TYW1: variants seen among roughly 807,000 people sequenced by gnomAD.
The protein encoded by TYW1 is S-adenosyl-L-methionine-dependent tRNA 4-demethylwyosine synthase TYW1.
In TYW1, 46 loss-of-function variants were observed where a neutral mutation model predicts 96.2. The observed-to-expected ratio is 0.48, with a 90% CI of 0.38 to 0.61. TYW1 has a LOEUF of 0.61. TYW1 is among the 20% of genes least tolerant of loss of function. TYW1 has a pLI of 0.00. For missense variants in TYW1, 684 were observed against 909.6 expected (o/e 0.75, Z 3.19); for synonymous variants, 274 against 323.0 (o/e 0.85, Z 1.63).
chr7:67,204,908 G>A (rs1354693916), intron 15 of TYW1, among the ~76,000 whole-genome samples: 4 of 152,048 alleles, frequency 2.6e-5, no homozygotes, highest in Admixed American at 2.0e-4. Flanking sequence ...TATCATGTCC[G>A]TTTTTAATTG....
chr7:67,147,569 G>T (rs1133390), intron 13 of TYW1, among the ~76,000 whole-genome samples: 72,288 of 151,728 alleles, frequency 0.48, 17,648 homozygotes, highest in Middle Eastern at 0.59. Flanking sequence ...GATCCTCTCC[G>T]TCCTCCCATT....
At chr7:67,159,799 A>T (rs1180681438) in intron 13 of TYW1, among the ~76,000 whole-genome samples, 27 of 71,296 alleles carry the variant, frequency 3.8e-4, no homozygotes, top group Admixed American at 3.1e-3. Context: ...ATTTTATTTT[A>T]TTTATTTATT....
intron 8 of TYW1, among the ~76,000 whole-genome samples, chr7:67,052,090 G>A (rs1795378494): frequency 6.6e-6 from 1 of 152,004 alleles, no homozygotes; most frequent in Non-Finnish European, 1.5e-5. Flanking sequence ...TTTCTCTTAA[G>A]GCTGATTTTG....
intron 4 of TYW1, among the ~76,000 whole-genome samples, chr7:67,011,035 A>G (rs1793778796): frequency 6.6e-6 from 1 of 151,996 alleles, no homozygotes; most frequent in Non-Finnish European, 1.5e-5. Context: ...ACCTCAATGC[A>G]TTAGTTAATG....
At chr7:67,228,493 AAC>A (rs1286451523) in intron 15 of TYW1, among the ~76,000 whole-genome samples, 1 of 152,228 alleles carries the variant, frequency 6.6e-6, no homozygotes, top group African/African-American at 2.4e-5. Context: ...TTTGGGTGGA[AAC>A]ACAGCCAAAC....
chr7:67,093,707 C>G (rs1417245951), intron 11 of TYW1, among the ~76,000 whole-genome samples: 1 of 152,044 alleles, frequency 6.6e-6, no homozygotes, highest in African/African-American at 2.4e-5. Context: ...ATTCATCCAT[C>G]CAAAAATACT....
intron 6 of TYW1, among the ~76,000 whole-genome samples, chr7:67,019,370 A>T (rs566092438): frequency 2.1e-5 from 2 of 94,302 alleles, no homozygotes; most frequent in East Asian, 4.8e-4. Flanking sequence ...TAATTTTTGT[A>T]TTTTTTTAAT....
chr7:67,182,214 A>G (rs965911959), intron 13 of TYW1, among the ~76,000 whole-genome samples: 12 of 152,222 alleles, frequency 7.9e-5, no homozygotes, highest in Non-Finnish European at 1.8e-4. Flanking sequence ...AAAGGGAGCT[A>G]CAAAGTCAGA....
At chr7:67,116,514 CT>C (rs1206235518) in intron 12 of TYW1, among the ~76,000 whole-genome samples, 1 of 151,894 alleles carries the variant, frequency 6.6e-6, no homozygotes, top group Admixed American at 6.6e-5. Flanking sequence ...AGTGGGACCC[CT>C]GTCTCTACAA....
Position 67,179,490 on chromosome 7 carries a change from A to G in TYW1, c.1699-3636A>G, listed in dbSNP as rs1309450827. Among the ~76,000 whole-genome samples, 2 of 134,606 alleles carry G rather than the reference A, an allele frequency of 1.5e-5. 1 individual carries two copies. Among genetic ancestry groups the G allele is most frequent in the African/African-American group, 6.1e-5 (2 of 32,890 alleles). 88.3% of individuals were successfully genotyped at this position (134,606 alleles called of 152,430 possible). On this transcript the variant is annotated intron_variant, in intron 13 of 15. Transcript: ENST00000359626. ...CCAGCTGTGTAACTTCAGGCAATTT[A>G]CTTAACAGCTGTCAGCCTCACCTTC... is the stretch of plus-strand genomic sequence containing the variant.
intron 4 of TYW1, among the ~76,000 whole-genome samples, chr7:67,013,565 G>A (rs1793893045): frequency 6.6e-6 from 1 of 152,000 alleles, no homozygotes; most frequent in African/African-American, 2.4e-5. Flanking sequence ...TATTGGGTAA[G>A]CAAGGTCACC....
At chr7:67,042,251 ATATAAG>A (rs1795052723) in intron 7 of TYW1, among the ~76,000 whole-genome samples, 5 of 151,070 alleles carry the variant, frequency 3.3e-5, no homozygotes, top group Non-Finnish European at 4.4e-5. Context: ...TAATTAGCTT[ATATAAG>A]TATATGTCTT....
intron 13 of TYW1, among the ~76,000 whole-genome samples, chr7:67,180,421 TATAA>T (rs1563058151): frequency 1.3e-4 from 10 of 75,850 alleles, no homozygotes; most frequent in Admixed American, 3.9e-4. Flanking sequence ...TATATATATA[TATAA>T]TTTTTTTTTT....
chr7:67,078,611 C>G (rs1179635124), intron 10 of TYW1, among the ~76,000 whole-genome samples: 1 of 152,178 alleles, frequency 6.6e-6, no homozygotes, highest in East Asian at 1.9e-4. Flanking sequence ...ATTCTTCCAA[C>G]CCATGGAGAT....
intron 11 of TYW1, among the ~76,000 whole-genome samples, chr7:67,083,759 G>A (rs1464799860): frequency 1.3e-5 from 2 of 152,360 alleles, no homozygotes; most frequent in South Asian, 4.1e-4. Flanking sequence ...ACTTGGCCAG[G>A]TGTGCTGGCT....
intron 10 of TYW1, among the ~76,000 whole-genome samples, chr7:67,072,315 T>G (rs1796054213): frequency 6.6e-6 from 1 of 150,538 alleles, no homozygotes; most frequent in Non-Finnish European, 1.5e-5. Flanking sequence ...GGGATGATCT[T>G]GGCTCACCGC....
chr7:67,228,734 C>CA (rs1447529829), intron 15 of TYW1, among the ~76,000 whole-genome samples: 1 of 152,090 alleles, frequency 6.6e-6, no homozygotes, highest in Non-Finnish European at 1.5e-5. Context: ...ATGATTAGAA[C>CA]TTTTTTCAGT....
At chr7:67,082,086 C>A (rs1318226278) in intron 10 of TYW1, among the ~76,000 whole-genome samples, 2 of 151,382 alleles carry the variant, frequency 1.3e-5, no homozygotes, top group Non-Finnish European at 2.9e-5. Flanking sequence ...TCCTTAAGAC[C>A]ATTATTTTAA....
intron 10 of TYW1, among the ~76,000 whole-genome samples, chr7:67,074,389 G>A (rs1796139361): frequency 6.6e-6 from 1 of 152,150 alleles, no homozygotes; most frequent in Admixed American, 6.6e-5. Context: ...AGGATCTAAT[G>A]GGTAGTGCTC....
Sources: allele counts gnomAD v4.1 joint callset (sites outside exome capture counted in the v4.1 genomes callset), GRCh38; gene constraint gnomAD v4.1.1; transcripts MANE v1.5; gene names NCBI Gene and HGNC (gene_info 2026-07-23, HGNC 2026-07-21).